The following MTR variants were observed in gnomAD, a reference collection of about 807,000 sequenced individuals.
MTR encodes methionine synthase.
A neutral mutation model predicts 154.8 loss-of-function variants in MTR; 84 were observed. That is an observed-to-expected ratio of 0.54 (90% confidence interval 0.45 to 0.65). MTR has a LOEUF of 0.65. Among genes scored for constraint, MTR ranks in the 30% least tolerant of loss-of-function variants. MTR has a pLI of 0.00. For missense variants in MTR, 1,275 were observed against 1,570.2 expected (o/e 0.81, Z 3.18); for synonymous variants, 554 against 553.9 (o/e 1.00, Z 0.00).
Position 236,899,308 on chromosome 1 carries a change from A to T in MTR, c.*1664A>T, listed in dbSNP as rs1666823547. The stretch of plus-strand genomic sequence containing the variant: ...CAAGTTTTATTGTCAAGACAGTGTC[A>T]TGGTGCAGAGGTAGGCATTCTGAGC... On this transcript the variant is annotated 3_prime_UTR_variant, in exon 33 of 33. Coordinates refer to ENST00000366577, the MANE Select transcript of MTR (RefSeq NM_000254.3). 1.3e-5 allele frequency: 2 copies of T among 152,188 alleles called. No homozygotes were observed. The highest frequency in any genetic ancestry group is 1.3e-4 in the Admixed American group (2 of 15,284). The allele number at this position is 152,188 out of a possible 1,614,324, so 9.4% of individuals were successfully genotyped here. A position where few individuals can be genotyped will look rare whatever the true frequency, so the allele number is the denominator to read the frequency against.
At chr1:236,804,864 TG>T (rs1481302319) in intron 2 of MTR, among the ~76,000 whole-genome samples, 1 of 152,180 alleles carries the variant, frequency 6.6e-6, no homozygotes, top group Non-Finnish European at 1.5e-5. Flanking sequence ...CATAGTACTC[TG>T]TGTATGTTTT....
At chr1:236,882,242 T>C (rs1043109000) in intron 25 of MTR, among the ~76,000 whole-genome samples, 1 of 152,194 alleles carries the variant, frequency 6.6e-6, no homozygotes, top group Admixed American at 6.5e-5. Flanking sequence ...TTGTCATTAT[T>C]TTCAAACACT....
At chr1:236,816,686 C>T (rs768512479) in intron 8 of MTR, 143 bp downstream of exon 8, 23 of 760,846 alleles carry the variant, frequency 3.0e-5, no homozygotes, top group Non-Finnish European at 4.8e-5. Context: ...TAAGTACTTT[C>T]AGACTTTTCC....
intron 6 of MTR, among the ~76,000 whole-genome samples, chr1:236,815,314 T>C (rs916932734): frequency 6.6e-6 from 1 of 152,190 alleles, no homozygotes; most frequent in Non-Finnish European, 1.5e-5. Flanking sequence ...TTATTTTTAA[T>C]TTTTATTGAA....
intron 11 of MTR, among the ~76,000 whole-genome samples, chr1:236,828,190 G>C (rs1021177518): frequency 2.6e-4 from 40 of 152,122 alleles, no homozygotes; most frequent in African/African-American, 9.2e-4. Context: ...CGTTAGCCAG[G>C]ATGGTCTTGG....
intron 3 of MTR, 45 bp from the exon 4 acceptor site, chr1:236,808,659 C>A (rs1389374895): frequency 1.3e-6 from 2 of 1,557,272 alleles, no homozygotes; most frequent in Non-Finnish European, 1.8e-6. Context: ...ATTTATTGTG[C>A]GGAGGAAAAG....
rs372093450 is a variant in MTR at position 236,833,321 on chromosome 1, A to G, written c.1188+1243A>G. Among the ~76,000 whole-genome samples, 10 of 152,334 alleles carry G rather than the reference A, an allele frequency of 6.6e-5. No homozygotes were observed. The East Asian group carries it at 1.2e-3, about 18-fold the overall frequency. ...TGACACTGAGAGCATTTTAGGAAGA[A>G]GCAAACAGGTGGAAGTAATAATATC... On this transcript the variant is annotated intron_variant, in intron 13 of 32. Coordinates refer to ENST00000366577, the MANE Select transcript of MTR (RefSeq NM_000254.3).
At chr1:236,894,811 AT>A in intron 30 of MTR, 1 of 537,338 alleles carries the variant, frequency 1.9e-6, no homozygotes, top group East Asian at 3.3e-5. Flanking sequence ...TAGAGCCTTT[AT>A]CTCTACCTTA....
chr1:236,824,490 G>T lies in MTR; in HGVS notation c.865+271G>T, dbSNP rs4077829. 0.35 allele frequency among the ~76,000 whole-genome samples: 53,259 copies of T among 152,062 alleles called. 10,078 individuals carry two copies. Among genetic ancestry groups the T allele is most frequent in the Non-Finnish European group, 0.41 (27,982 of 67,970 alleles). On this transcript the variant is annotated intron_variant, in intron 9 of 32. Transcript: ENST00000366577. Reference sequence around the variant, plus strand: ...TTGCCTTTGGTGACAGCACAAGCCTGGTGGACGTGACCAGAAAGATGGGTG... The same window carrying T: ...TTGCCTTTGGTGACAGCACAAGCCTTGTGGACGTGACCAGAAAGATGGGTG...
At chr1:236,805,958 C>G (rs1660960923) in intron 2 of MTR, among the ~76,000 whole-genome samples, 186 bp from the exon 3 acceptor site, 1 of 152,192 alleles carries the variant, frequency 6.6e-6, no homozygotes, top group Non-Finnish European at 1.5e-5. Context: ...TTTATTTATT[C>G]ATACCACGTG....
At position 236,880,805 on chromosome 1, in the gene MTR, A is replaced by G; in HGVS notation, c.2645A>G (p.His882Arg). Residue 882 changes from histidine to arginine, a missense_variant, in exon 25 of 33, where the codon CAT becomes CGT. His to Arg is a conservative substitution (Grantham distance 29). Transcript: ENST00000366577. ...IAPRYSAPVI[H>R]VLDASKSVVV... ...CCGAGATACAGTGCACCTGTAATCC[A>G]TGTCCTGGACGCGTCCAAGAGTGTG... is the stretch of plus-strand genomic sequence containing the variant. The G allele has an allele frequency of 6.2e-7, 1 of 1,614,212 alleles. No individual in the cohort carries two copies.
At chr1:236,843,288 G>C (rs1490982194) in intron 15 of MTR, among the ~76,000 whole-genome samples, 1 of 152,136 alleles carries the variant, frequency 6.6e-6, no homozygotes, top group Non-Finnish European at 1.5e-5. Context: ...TAGGGGAAGA[G>C]TGTTCTTTGC....
In MTR at chr1:236,816,451, T is replaced by C. The variant is rs770876138; in HGVS notation, c.672T>C (p.Ile224=). The C allele has an allele frequency of 1.2e-6, 2 of 1,613,984 alleles. No individual in the cohort carries two copies. Among genetic ancestry groups the C allele is most frequent in the Non-Finnish European group, 1.7e-6 (2 of 1,179,840 alleles). The change falls in exon 8 of 33, where the codon ATT becomes ATC. Residue 224 remains isoleucine, a splice_region_variant and synonymous_variant. Coordinates refer to ENST00000366577, the MANE Select transcript of MTR (RefSeq NM_000254.3). ...CTTTGTTTACTTTGTCAATTCAGAT[T>C]TCAGGGACGATCGTTGATAAAAGTG... is the stretch of plus-strand genomic sequence containing the variant. ...EEKYAPRPIF[I]SGTIVDKSGR...
At chr1:236,896,506 T>C (rs1319594144) in intron 31 of MTR, among the ~76,000 whole-genome samples, 1 of 152,222 alleles carries the variant, frequency 6.6e-6, no homozygotes, top group Non-Finnish European at 1.5e-5. Context: ...TGGCTTCGAA[T>C]AGATATCCTT....
intron 24 of MTR, among the ~76,000 whole-genome samples, chr1:236,876,479 T>C (rs780343202): frequency 2.8e-4 from 42 of 152,358 alleles, no homozygotes; most frequent in Admixed American, 9.1e-4. Context: ...AGAGGACCTA[T>C]GGACTGTTGT....
intron 18 of MTR, among the ~76,000 whole-genome samples, chr1:236,856,524 T>TC (rs1392807914): frequency 6.6e-6 from 1 of 151,836 alleles, no homozygotes; most frequent in Admixed American, 6.6e-5. Flanking sequence ...TCTTTTTTTT[T>TC]CTTCTTCTAT....
Position 236,795,703 on chromosome 1 carries a change from C to T in MTR, c.-1C>T, listed in dbSNP as rs1660334646. 1.2e-6 allele frequency: 2 copies of T among 1,614,158 alleles called. No individual in the cohort carries two copies. Among genetic ancestry groups the T allele is most frequent in the Non-Finnish European group, 1.7e-6 (2 of 1,180,032 alleles). ...TCTGCGCAAGGAGGAGACTCGACAA[C>T]ATGTCACCCGCGCTCCAAGACCTGT... On this transcript the variant is annotated 5_prime_UTR_variant, in exon 1 of 33. Transcript: ENST00000366577.
intron 24 of MTR, among the ~76,000 whole-genome samples, chr1:236,879,679 A>G (rs1410381699): frequency 6.6e-6 from 1 of 152,194 alleles, no homozygotes; most frequent in Admixed American, 6.5e-5. Context: ...ATTATGTTCT[A>G]TCATGAAATA....
intron 15 of MTR, among the ~76,000 whole-genome samples, chr1:236,850,135 A>G (rs1312841052): frequency 6.6e-6 from 1 of 152,106 alleles, no homozygotes; most frequent in Non-Finnish European, 1.5e-5. Context: ...ATAATTTGAT[A>G]AGTGATCGGA....
Sources: gnomAD v4.1 joint callset for allele counts (sites outside exome capture counted in the v4.1 genomes callset) on GRCh38, gnomAD v4.1.1 for gene constraint, MANE v1.5 for transcripts, NCBI Gene and HGNC (gene_info 2026-07-23, HGNC 2026-07-21) for gene names.